Variants in MAST2 observed in about 807,000 individuals in gnomAD.
MAST2 encodes microtubule associated serine/threonine kinase 2.
Under a neutral mutation model 147.4 loss-of-function variants are expected in MAST2, and 70 were observed. The observed-to-expected ratio is 0.47, with a 90% confidence interval of 0.39 to 0.58. The LOEUF is 0.58. Among genes scored for constraint, MAST2 ranks in the 20% least tolerant of loss-of-function variants. The pLI is 0.00. For synonymous variants in MAST2, 869 were observed against 896.8 expected (o/e 0.97, Z 0.55); for missense variants, 2,080 against 2,302.3 (o/e 0.90, Z 1.98).
At chr1:45,873,494 G>T (rs1270830549) in intron 3 of MAST2, among the ~76,000 whole-genome samples, 3 of 151,750 alleles carry the variant, frequency 2.0e-5, no homozygotes, top group Admixed American at 6.6e-5. Context: ...CACCACACCT[G>T]GTCAATTTCT....
intron 4 of MAST2, among the ~76,000 whole-genome samples, chr1:45,927,106 G>A (rs2148681496): frequency 6.6e-6 from 1 of 152,212 alleles, no homozygotes; most frequent in Non-Finnish European, 1.5e-5. Context: ...TTTTTATTAG[G>A]GATTTTCAAA....
intron 5 of MAST2, among the ~76,000 whole-genome samples, chr1:45,996,806 G>A (rs1049671032): frequency 3.9e-5 from 6 of 152,044 alleles, no homozygotes; most frequent in Non-Finnish European, 7.4e-5. Context: ...TGGCAACTTG[G>A]AACATCCATA....
At chr1:45,930,062 A>T (rs1474150250) in intron 4 of MAST2, among the ~76,000 whole-genome samples, 1 of 152,178 alleles carries the variant, frequency 6.6e-6, no homozygotes, top group African/African-American at 2.4e-5. Context: ...CCAAGTAAAA[A>T]GTCATATTAA....
In MAST2 at chr1:46,021,976, C is replaced by G; in HGVS notation, c.1317C>G (p.His439Gln). 2 of 1,614,212 alleles carry G rather than the reference C, an allele frequency of 1.2e-6. No individual in the cohort carries two copies. Among genetic ancestry groups the G allele is most frequent in the Non-Finnish European group, 1.7e-6 (2 of 1,180,036 alleles). Reference protein sequence around the residue: ...CLEFDPEEFYHLLEAAEGHAK... With the variant: ...CLEFDPEEFYQLLEAAEGHAK... ...AGTTTGACCCTGAAGAGTTCTACCA[C>G]CTTTTAGAAGCAGCTGAGGGCCACG... The change falls in exon 12 of 29, where the codon CAC (histidine) becomes CAG (glutamine). Residue 439 changes from histidine to glutamine, a missense_variant. This residue lies in a region of MAST2 where 569 missense variants were observed against 642.5 expected (regional missense o/e 0.89). Coordinates refer to ENST00000361297, the MANE Select transcript of MAST2 (RefSeq NM_015112.3).
At chr1:45,849,289 A>G (rs1407169122) in intron 3 of MAST2, among the ~76,000 whole-genome samples, 2 of 152,228 alleles carry the variant, frequency 1.3e-5, no homozygotes, top group Non-Finnish European at 2.9e-5. Context: ...GTCCTAAGCA[A>G]AGAGAACAAA....
intron 4 of MAST2, among the ~76,000 whole-genome samples, chr1:45,944,288 A>G (rs1428147864): frequency 6.6e-6 from 1 of 152,208 alleles, no homozygotes; most frequent in Non-Finnish European, 1.5e-5. Context: ...TGTGGACATA[A>G]TTTCAAAAGT....
chr1:45,901,594 A>T (rs1037450114), intron 4 of MAST2, among the ~76,000 whole-genome samples: 10 of 152,096 alleles, frequency 6.6e-5, no homozygotes, highest in African/African-American at 2.4e-4. Context: ...TTTTCACGAT[A>T]TTGATTCTTC....
chr1:45,877,079 C>G (rs1321719432), intron 3 of MAST2, among the ~76,000 whole-genome samples: 1 of 152,074 alleles, frequency 6.6e-6, no homozygotes, highest in African/African-American at 2.4e-5. Context: ...TAAAAAAATA[C>G]CACAGATTGG....
At chr1:45,863,970 T>C (rs1047095891) in intron 3 of MAST2, among the ~76,000 whole-genome samples, 3 of 152,206 alleles carry the variant, frequency 2.0e-5, no homozygotes, top group African/African-American at 7.2e-5. Flanking sequence ...TCCTTTGTGT[T>C]TACTAAGATT....
intron 4 of MAST2, among the ~76,000 whole-genome samples, chr1:45,900,444 A>ATTTTTTTTTTT (rs1557883752): frequency 6.7e-5 from 1 of 14,864 alleles, no homozygotes; most frequent in African/African-American, 4.5e-4. Context: ...GTGATGTTGG[A>ATTTTTTTTTTT]TATTTTTTTT....
At chr1:45,950,558 C>G (rs1658778954) in intron 4 of MAST2, among the ~76,000 whole-genome samples, 1 of 152,148 alleles carries the variant, frequency 6.6e-6, no homozygotes, top group Non-Finnish European at 1.5e-5. Context: ...GGAGTTTATA[C>G]TCTTTGTGTG....
At chr1:45,876,329 G>A (rs929445121) in intron 3 of MAST2, among the ~76,000 whole-genome samples, 1 of 152,180 alleles carries the variant, frequency 6.6e-6, no homozygotes, top group Non-Finnish European at 1.5e-5. Flanking sequence ...AAATTGATAA[G>A]GCAGTATTTG....
At position 45,809,513 on chromosome 1, in the gene MAST2, C is replaced by T. The variant is rs568347106; in HGVS notation, c.177+5441C>T. Among the ~76,000 whole-genome samples the T allele has an allele frequency of 2.6e-4, 39 of 152,162 alleles. No individual in the cohort carries two copies. In the South Asian group the frequency reaches 7.5e-3, roughly 29 times the overall value. ...CAAAAATTAGTCGGGGTTGGTGGTG[C>T]GCGCCTGTGGGCCCAGCTACTTGGG... On this transcript the variant is annotated intron_variant, in intron 1 of 28. Coordinates refer to ENST00000361297, the MANE Select transcript of MAST2 (RefSeq NM_015112.3).
At chr1:45,906,025 C>T (rs374987140) in intron 4 of MAST2, among the ~76,000 whole-genome samples, 12 of 152,250 alleles carry the variant, frequency 7.9e-5, no homozygotes, top group African/African-American at 2.9e-4. Flanking sequence ...TTTTGACTTA[C>T]ATTTCCCAGA....
At chr1:45,934,314 C>G (rs1655859204) in intron 4 of MAST2, among the ~76,000 whole-genome samples, 1 of 152,168 alleles carries the variant, frequency 6.6e-6, no homozygotes, top group African/African-American at 2.4e-5. Flanking sequence ...GAAACCCCGT[C>G]TCTACTAAAA....
intron 4 of MAST2, among the ~76,000 whole-genome samples, chr1:45,910,112 G>GT (rs57335268): frequency 0.44 from 62,363 of 141,096 alleles, 13,619 homozygotes; most frequent in East Asian, 0.61. Context: ...GTGTGCAGTT[G>GT]TTTTTTTTTT....
chr1:46,002,932 T>C, intron 7 of MAST2, 49 bp downstream of exon 7: 3 of 1,546,476 alleles, frequency 1.9e-6, no homozygotes, highest in Non-Finnish European at 2.7e-6. Context: ...AAGGAAGTAC[T>C]TCCCTTTGGG....
intron 1 of MAST2, among the ~76,000 whole-genome samples, chr1:45,823,203 CTTT>C (rs774121918): frequency 2.2e-5 from 3 of 136,144 alleles, no homozygotes; most frequent in Admixed American, 7.3e-5. Context: ...GAATTTTTTT[CTTT>C]TTTTTTTTTT....
chr1:45,857,735 T>C (rs2148037964), intron 3 of MAST2, among the ~76,000 whole-genome samples: 1 of 152,202 alleles, frequency 6.6e-6, no homozygotes, highest in Middle Eastern at 3.4e-3. Context: ...TATCTCCTAA[T>C]GCTATCCCTC....
Sources: gnomAD v4.1 joint callset for allele counts (sites outside exome capture counted in the v4.1 genomes callset) on GRCh38, gnomAD v4.1.1 for gene constraint, gnomAD v4.1.1 regional missense constraint, MANE v1.5 for transcripts, NCBI Gene and HGNC (gene_info 2026-07-23, HGNC 2026-07-21) for gene names.